The following MFHAS1 variants were observed in gnomAD, a reference collection of about 807,000 sequenced individuals.
MFHAS1 encodes the protein malignant fibrous histiocytoma-amplified sequence 1.
In MFHAS1, 50 loss-of-function variants were observed where a neutral mutation model predicts 70.4. The observed-to-expected ratio is 0.71, with a 90% CI of 0.57 to 0.90. MFHAS1 has a LOEUF of 0.90. Among genes scored for constraint, MFHAS1 ranks in the 40% least tolerant of loss-of-function variants. MFHAS1 has a pLI of 0.00. For missense variants in MFHAS1, 1,795 were observed against 1,347.6 expected, an observed-to-expected ratio of 1.33 and a Z score of -5.20; for synonymous variants, 952 against 620.0, an observed-to-expected ratio of 1.54 and a Z score of -7.96.
chr8:8,795,847 C>A (rs898370019), intron 2 of MFHAS1, among the ~76,000 whole-genome samples: 1 of 152,136 alleles, frequency 6.6e-6, no homozygotes, highest in African/African-American at 2.4e-5. Flanking sequence ...TTTCCAAGCT[C>A]CCTAAAAACA....
intron 1 of MFHAS1, among the ~76,000 whole-genome samples, chr8:8,837,229 T>C (rs1404498122): frequency 6.6e-6 from 1 of 152,224 alleles, no homozygotes; most frequent in Non-Finnish European, 1.5e-5. Context: ...TATATATTCT[T>C]AGAGCAGAAG....
intron 2 of MFHAS1, among the ~76,000 whole-genome samples, chr8:8,795,430 C>A (rs1355950761): frequency 1.3e-5 from 2 of 152,110 alleles, no homozygotes; most frequent in Non-Finnish European, 2.9e-5. Context: ...TTCTGTAATC[C>A]TATTTTAATA....
chr8:8,810,867 CAAGGA>C (rs1806518985), intron 1 of MFHAS1, among the ~76,000 whole-genome samples: 1 of 151,966 alleles, frequency 6.6e-6, no homozygotes, highest in South Asian at 2.1e-4. Flanking sequence ...CATTTTTCTC[CAAGGA>C]AGGGGAGGAA....
At chr8:8,848,492 C>T (rs1186532326) in intron 1 of MFHAS1, among the ~76,000 whole-genome samples, 5 of 151,914 alleles carry the variant, frequency 3.3e-5, no homozygotes, top group African/African-American at 4.8e-5. Flanking sequence ...CATAAAGAGA[C>T]ACACGTAAAG....
chr8:8,810,046 G>C (rs1466840355), intron 1 of MFHAS1, among the ~76,000 whole-genome samples: 1 of 152,212 alleles, frequency 6.6e-6, no homozygotes, highest in Non-Finnish European at 1.5e-5. Context: ...GAAGTACTAA[G>C]GGGAATCATG....
chr8:8,820,249 C>G (rs976561719), intron 1 of MFHAS1, among the ~76,000 whole-genome samples: 2 of 152,054 alleles, frequency 1.3e-5, no homozygotes, highest in African/African-American at 4.8e-5. Flanking sequence ...TATGCTCCCC[C>G]TTCCCAAGTC....
At chr8:8,842,406 G>T (rs978370459) in intron 1 of MFHAS1, among the ~76,000 whole-genome samples, 1 of 151,978 alleles carries the variant, frequency 6.6e-6, no homozygotes. Context: ...GGCTGATCTC[G>T]AACTCCTGAC....
At chr8:8,887,457 T>C (rs1254967063) in intron 1 of MFHAS1, among the ~76,000 whole-genome samples, 1 of 151,544 alleles carries the variant, frequency 6.6e-6, no homozygotes, top group African/African-American at 2.4e-5. Flanking sequence ...TACTATTCTA[T>C]ACCCTCTGCT....
intron 1 of MFHAS1, among the ~76,000 whole-genome samples, chr8:8,800,338 G>T (rs759955391): frequency 6.6e-6 from 1 of 152,152 alleles, no homozygotes; most frequent in Non-Finnish European, 1.5e-5. Context: ...GCTAGGAAAA[G>T]ATCCTCAAAT....
At chr8:8,824,567 A>C (rs1554480042) in intron 1 of MFHAS1, among the ~76,000 whole-genome samples, 8 of 140,216 alleles carry the variant, frequency 5.7e-5, no homozygotes, top group East Asian at 2.0e-4. Flanking sequence ...ACACACACAC[A>C]CCCCTTTCTG....
chr8:8,828,932 C>G (rs1306437925), intron 1 of MFHAS1, among the ~76,000 whole-genome samples: 5 of 152,180 alleles, frequency 3.3e-5, no homozygotes, highest in Admixed American at 3.3e-4. Context: ...CAGGCTCTGT[C>G]AATCTGCTAA....
chr8:8,831,945 T>G (rs1474119997), intron 1 of MFHAS1, among the ~76,000 whole-genome samples: 1 of 152,054 alleles, frequency 6.6e-6, no homozygotes, highest in Non-Finnish European at 1.5e-5. Context: ...CCAGGCAATT[T>G]AAAGGAGAAA....
rs904482917 is a variant in MFHAS1, at chr8:8,785,399, A to C, written c.*623T>G. The C allele has an allele frequency of 7.7e-6, 1 of 129,992 alleles. No homozygotes were observed. Among genetic ancestry groups the C allele is most frequent in the Non-Finnish European group, 1.7e-5 (1 of 58,760 alleles). 8.1% of individuals were successfully genotyped at this position (129,992 alleles called of 1,614,324 possible). A position where few individuals can be genotyped will look rare whatever the true frequency, so the allele number is the denominator to read the frequency against. ...GGCTAACAGAGAGATTTTTTTTTTA[A>C]TGTGAAGAGGATTAAAGAATAAAGA... On this transcript the variant is annotated 3_prime_UTR_variant, in exon 3 of 3. Transcript: ENST00000276282.
chr8:8,873,189 G>A (rs562767254), intron 1 of MFHAS1, among the ~76,000 whole-genome samples: 3 of 152,220 alleles, frequency 2.0e-5, no homozygotes, highest in Admixed American at 6.5e-5. Flanking sequence ...ATAGCCCTCC[G>A]GAATCAAAGT....
chr8:8,844,916 C>T (rs1807972172), intron 1 of MFHAS1, among the ~76,000 whole-genome samples: 1 of 151,844 alleles, frequency 6.6e-6, no homozygotes. Context: ...AGAAGAAGGC[C>T]CAAAACTATC....
chr8:8,883,152 C>CAAAACA (rs1809595779), intron 1 of MFHAS1, among the ~76,000 whole-genome samples: 1 of 151,818 alleles, frequency 6.6e-6, no homozygotes, highest in Non-Finnish European at 1.5e-5. Flanking sequence ...GACTCCGTCT[C>CAAAACA]AAAACAAAAA....
intron 1 of MFHAS1, among the ~76,000 whole-genome samples, chr8:8,882,656 T>C (rs184501873): frequency 2.0e-4 from 30 of 152,128 alleles, no homozygotes; most frequent in East Asian, 3.9e-4. Flanking sequence ...TTGAGTTCTT[T>C]CAAAATAACC....
rs544265069 is a variant in MFHAS1 at position 8,870,451 on chromosome 8, G to A, written c.2998+19610C>T. Among the ~76,000 whole-genome samples the A allele has an allele frequency of 2.6e-5, 4 of 152,198 alleles. No individual in the cohort carries two copies. The South Asian group carries it at 6.2e-4, about 24-fold the overall frequency. ...ACCTCACTCCAGCCTAAATGACAGA[G>A]CAAGACTCTGTCTCCCAGGAAAACA... is the stretch of plus-strand genomic sequence containing the variant. On this transcript the variant is annotated intron_variant, in intron 1 of 2. Transcript: ENST00000276282.
chr8:8,873,158 T>C (rs902452036), intron 1 of MFHAS1, among the ~76,000 whole-genome samples: 10 of 152,230 alleles, frequency 6.6e-5, no homozygotes, highest in Admixed American at 2.0e-4. Flanking sequence ...TTTTAGTTCT[T>C]CCACATGCAA....
Sources: allele counts gnomAD v4.1 joint callset (sites outside exome capture counted in the v4.1 genomes callset), GRCh38; gene constraint gnomAD v4.1.1; transcripts MANE v1.5; gene names NCBI Gene and HGNC (gene_info 2026-07-23, HGNC 2026-07-21).